TCAIM: variants seen among roughly 807,000 people sequenced by gnomAD.
TCAIM encodes T-cell activation inhibitor, mitochondrial.
Under a neutral mutation model 58.6 loss-of-function variants are expected in TCAIM, and 36 were observed. The observed-to-expected ratio is 0.61, with a 90% CI of 0.47 to 0.81. The LOEUF is 0.81. Among genes scored for constraint, TCAIM ranks in the 30% least tolerant of loss-of-function variants. The pLI is 0.00. For synonymous variants in TCAIM, 172 were observed against 193.6 expected (o/e 0.89, Z 0.93); for missense variants, 466 against 579.6 (o/e 0.80, Z 2.01).
chr3:44,390,453 A>G (rs1701816048), intron 5 of TCAIM, among the ~76,000 whole-genome samples: 1 of 152,122 alleles, frequency 6.6e-6, no homozygotes, highest in Non-Finnish European at 1.5e-5. Flanking sequence ...CCTCATCTCT[A>G]CAAATAATAA....
chr3:44,367,467 G>A lies in TCAIM; in HGVS notation c.331G>A (p.Val111Ile). ...ATTATATTCTCTAGGATTTCGAGCAGTCAAATTTACTTTGCACACCAGAGA... is the reference window on the plus strand; with the variant it reads ...ATTATATTCTCTAGGATTTCGAGCAATCAAATTTACTTTGCACACCAGAGA... ...EPFSTSGFRA[V>I]KFTLHTRDLL... The change falls in exon 5 of 11, where the codon GTC (valine) becomes ATC (isoleucine). Residue 111 changes from valine to isoleucine, a missense_variant. Physicochemically the swap from Val to Ile is conservative, Grantham distance 29. Transcript: ENST00000342649. The A allele has an allele frequency of 6.2e-7, 1 of 1,608,358 alleles. No individual in the cohort carries two copies. Among genetic ancestry groups the A allele is most frequent in the Non-Finnish European group, 8.5e-7 (1 of 1,175,704 alleles).
intron 4 of TCAIM, among the ~76,000 whole-genome samples, chr3:44,362,098 T>C (rs1447258227): frequency 6.6e-6 from 1 of 152,206 alleles, no homozygotes; most frequent in Non-Finnish European, 1.5e-5. Context: ...TCTCTAATTA[T>C]ACATGCTTTT....
chr3:44,396,418 C>T lies in TCAIM; in HGVS notation c.714C>T (p.Gly238=), dbSNP rs2125654334. Residue 238 remains glycine (G), a synonymous_variant, in exon 7 of 11, where the codon GGC becomes GGT. Transcript: ENST00000342649. ...GGCCTAGGTGGCAGAGGAGCTGGGG[C>T]ATCGCCCACCGCTGTAGCCAGCTGC... ...LSDIRWQRSW[G]IAHRCSQLHS... is the part of the protein sequence containing the mutation. 1.2e-6 allele frequency: 2 copies of T among 1,613,408 alleles called. No homozygotes were observed. Among genetic ancestry groups the T allele is most frequent in the East Asian group, 4.5e-5 (2 of 44,876 alleles).
Position 44,392,836 on chromosome 3 carries a change from T to G in TCAIM, c.573-19T>G. 1.9e-6 allele frequency: 3 copies of G among 1,606,992 alleles called. No homozygotes were observed. The highest frequency in any genetic ancestry group is 2.6e-6 in the Non-Finnish European group (3 of 1,176,010). ...ATATTATAGTTAGTATTGTAAAGTA[T>G]GTATCTCTCTCTTTCTAGATCCTGG... is the stretch of plus-strand genomic sequence containing the variant. On this transcript the variant is annotated intron_variant, in intron 5 of 10. Transcript: ENST00000342649.
At chr3:44,406,457 T>C (rs938026227) in intron 10 of TCAIM, among the ~76,000 whole-genome samples, 4 of 148,284 alleles carry the variant, frequency 2.7e-5, no homozygotes, top group African/African-American at 7.5e-5. Context: ...GACTGCTGTC[T>C]GTCTGCTTGA....
chr3:44,377,808 A>G (rs1398163317), intron 5 of TCAIM, among the ~76,000 whole-genome samples: 1 of 152,192 alleles, frequency 6.6e-6, no homozygotes, highest in Non-Finnish European at 1.5e-5. Context: ...TATACTTACT[A>G]TGTTACCCAT....
chr3:44,353,937 C>T (rs924869659), intron 1 of TCAIM, among the ~76,000 whole-genome samples: 2 of 152,150 alleles, frequency 1.3e-5, no homozygotes, highest in African/African-American at 4.8e-5. Flanking sequence ...TTACTGAAGT[C>T]CAGCTTACCA....
At chr3:44,380,338 A>AT (rs1383557835) in intron 5 of TCAIM, among the ~76,000 whole-genome samples, 1 of 152,158 alleles carries the variant, frequency 6.6e-6, no homozygotes, top group Non-Finnish European at 1.5e-5. Context: ...AATTACACTG[A>AT]TTTTTTACAA....
At chr3:44,365,219 T>TA (rs1360261692) in intron 4 of TCAIM, among the ~76,000 whole-genome samples, 5 of 152,032 alleles carry the variant, frequency 3.3e-5, no homozygotes, top group Non-Finnish European at 5.9e-5. Context: ...ATTATTGAAC[T>TA]AAAAAAAAGT....
chr3:44,357,856 G>C lies in TCAIM; in HGVS notation c.145G>C (p.Gly49Arg). 3 of 1,613,916 alleles carry C rather than the reference G, an allele frequency of 1.9e-6. No individual in the cohort carries two copies. Among genetic ancestry groups the C allele is most frequent in the Non-Finnish European group, 2.5e-6 (3 of 1,179,956 alleles). The change falls in exon 3 of 11, where the codon GGA becomes CGA. Residue 49 changes from glycine to arginine, a missense_variant. Gly to Arg is a moderately radical substitution (Grantham distance 125). Transcript: ENST00000342649. ...TTTTGCAGTACATCCAGATTTCTTTGGACAGCACCCCGTAGAAAGGGTAAA... is the reference window on the plus strand; with the variant it reads ...TTTTGCAGTACATCCAGATTTCTTTCGACAGCACCCCGTAGAAAGGGTAAA... ...FYFAVHPDFF[G>R]QHPVEREINE... is the part of the protein sequence containing the mutation.
intron 6 of TCAIM, among the ~76,000 whole-genome samples, chr3:44,395,567 T>C (rs555335998): frequency 6.6e-6 from 1 of 152,334 alleles, no homozygotes; most frequent in South Asian, 2.1e-4. Context: ...GCTCTTCAGT[T>C]ACACAGCAGG....
At chr3:44,339,106 G>GTA (rs138606382) in intron 1 of TCAIM, among the ~76,000 whole-genome samples, 2 of 39,614 alleles carry the variant, frequency 5.0e-5, no homozygotes, top group South Asian at 1.8e-3. Flanking sequence ...ATCTCATATA[G>GTA]CGAGATTTAG....
rs1001439830 is a variant in TCAIM, at chr3:44,407,988, C to A, written c.*306C>A. 1 of 192,578 alleles carries A rather than the reference C, an allele frequency of 5.2e-6. No individual in the cohort carries two copies. Among genetic ancestry groups the A allele is most frequent in the Admixed American group, 6.0e-5 (1 of 16,552 alleles). The allele number at this position is 192,578 out of a possible 1,614,324, so 11.9% of individuals were successfully genotyped here. A position where few individuals can be genotyped will look rare whatever the true frequency, so the allele number is the denominator to read the frequency against. Reference sequence around the variant, plus strand: ...TTGCCCTCCAGCCTGAGCAACAGAACAAGACCTTGTCTCAAAAAATAATAA... The same window carrying A: ...TTGCCCTCCAGCCTGAGCAACAGAAAAAGACCTTGTCTCAAAAAATAATAA... On this transcript the variant is annotated 3_prime_UTR_variant, in exon 11 of 11. Transcript: ENST00000342649.
intron 1 of TCAIM, among the ~76,000 whole-genome samples, chr3:44,350,433 C>CT (rs1701064231): frequency 6.6e-6 from 1 of 151,366 alleles, no homozygotes; most frequent in Non-Finnish European, 1.5e-5. Context: ...TTTTCATTTT[C>CT]TTTCTTTTTT....
At chr3:44,404,549 A>T (rs1702070548) in intron 10 of TCAIM, among the ~76,000 whole-genome samples, 1 of 151,590 alleles carries the variant, frequency 6.6e-6, no homozygotes, top group African/African-American at 2.4e-5. Flanking sequence ...CTCAGTCATC[A>T]TCCTCATGCC....
intron 1 of TCAIM, among the ~76,000 whole-genome samples, chr3:44,352,997 C>T (rs1701123271): frequency 6.7e-6 from 1 of 149,026 alleles, no homozygotes; most frequent in Admixed American, 6.8e-5. Flanking sequence ...TCTCGGCTCA[C>T]TGCAACCCTC....
At chr3:44,349,947 C>A (rs1701052524) in intron 1 of TCAIM, among the ~76,000 whole-genome samples, 1 of 147,894 alleles carries the variant, frequency 6.8e-6, no homozygotes, top group African/African-American at 2.5e-5. Flanking sequence ...GTAGGTGGAT[C>A]TTTCTTACGG....
chr3:44,374,976 C>T (rs1701541922), intron 5 of TCAIM, among the ~76,000 whole-genome samples: 1 of 152,064 alleles, frequency 6.6e-6, no homozygotes, highest in Admixed American at 6.5e-5. Flanking sequence ...GCTTGAGTTA[C>T]TATTTTTATT....
In TCAIM at chr3:44,396,799, C is replaced by T. The variant is rs1222630023; in HGVS notation, c.850C>T (p.Leu284=). The part of the protein sequence containing the change: ...SGMSAVGHVM[L]GTMDVHHHWT... ...CATGAGTGCAGTGGGCCATGTGATG[C>T]TAGGAACAATGGATGTCCATCACCA... Residue 284 remains leucine (L), a synonymous_variant, in exon 8 of 11, where the codon CTA becomes TTA. Coordinates refer to ENST00000342649, the MANE Select transcript of TCAIM (RefSeq NM_173826.4). 3 of 1,614,038 alleles carry T rather than the reference C, an allele frequency of 1.9e-6. No individual in the cohort carries two copies. The highest frequency in any genetic ancestry group is 2.5e-6 in the Non-Finnish European group (3 of 1,179,998).
Sources: gnomAD v4.1 joint callset for allele counts (sites outside exome capture counted in the v4.1 genomes callset) on GRCh38, gnomAD v4.1.1 for gene constraint, MANE v1.5 for transcripts, NCBI Gene and HGNC (gene_info 2026-07-23, HGNC 2026-07-21) for gene names.